CEP112: variants seen among roughly 807,000 people sequenced by gnomAD.
CEP112 encodes centrosomal protein 112.
Under a neutral mutation model 153.0 loss-of-function variants are expected in CEP112, and 127 were observed. The ratio of observed to expected loss-of-function variants is 0.83; its 90% CI spans 0.72 to 0.96. The LOEUF (loss-of-function observed/expected upper bound fraction) is 0.96. Among genes scored for constraint, CEP112 ranks in the 40% least tolerant of loss-of-function variants. The probability of loss-of-function intolerance (pLI) is 0.00; values close to 1 mark genes in which losing one functional copy is unlikely to be tolerated. For missense variants in CEP112, 1,089 were observed against 1,101.2 expected, an observed-to-expected ratio of 0.99 and a Z score of 0.16; for synonymous variants, 358 against 374.4, an observed-to-expected ratio of 0.96 and a Z score of 0.51.
intron 19 of CEP112, among the ~76,000 whole-genome samples, chr17:65,912,318 T>C (rs2060319184): frequency 6.6e-6 from 1 of 152,124 alleles, no homozygotes; most frequent in South Asian, 2.1e-4. Context: ...AAGTGCCCCA[T>C]GTAGTGCCTG....
chr17:65,980,027 C>T (rs1195037505), intron 17 of CEP112, among the ~76,000 whole-genome samples: 1 of 152,026 alleles, frequency 6.6e-6, no homozygotes, highest in Non-Finnish European at 1.5e-5. Flanking sequence ...TCACATAACA[C>T]CCCATTAAAA....
rs112352242 is a variant in CEP112 at position 66,071,977 on chromosome 17, C to A, written c.769-1976G>T. Among the ~76,000 whole-genome samples the A allele has an allele frequency of 4.5e-3, 687 of 152,168 alleles. 4 individuals carry two copies. Among genetic ancestry groups the A allele is most frequent in the South Asian group, 8.5e-3 (41 of 4,814 alleles). ...CAAAGATATTTATCTAAATTCTATTCTTCTGGTTATAACTTTTTGCCTTGG... is the reference window on the plus strand; with the variant it reads ...CAAAGATATTTATCTAAATTCTATTATTCTGGTTATAACTTTTTGCCTTGG... On this transcript the variant is annotated intron_variant, in intron 8 of 26. Transcript: ENST00000535342.
chr17:65,975,313 T>C (rs977738824), intron 17 of CEP112, among the ~76,000 whole-genome samples: 1 of 152,206 alleles, frequency 6.6e-6, no homozygotes, highest in African/African-American at 2.4e-5. Flanking sequence ...AAATAAACTG[T>C]TGAATTTGAC....
chr17:65,640,429 C>T (rs4791148), intron 25 of CEP112, among the ~76,000 whole-genome samples: 108,109 of 152,034 alleles, frequency 0.71, 39,813 homozygotes, highest in East Asian at 0.95. Context: ...GACAGGATTA[C>T]AGGTATGAGC....
intron 8 of CEP112, among the ~76,000 whole-genome samples, chr17:66,083,212 A>G (rs2067791242): frequency 6.6e-6 from 1 of 152,122 alleles, no homozygotes; most frequent in Non-Finnish European, 1.5e-5. Flanking sequence ...ATGATAGTGA[A>G]TAAGTCTCAT....
chr17:66,188,539 T>G (rs1245606994), intron 1 of CEP112, among the ~76,000 whole-genome samples: 1 of 151,332 alleles, frequency 6.6e-6, no homozygotes, highest in Non-Finnish European at 1.5e-5. Flanking sequence ...GTTGCTCTGT[T>G]CTCAGTGTAA....
At chr17:66,158,352 C>G (rs547081754) in intron 4 of CEP112, among the ~76,000 whole-genome samples, 24 of 152,254 alleles carry the variant, frequency 1.6e-4, no homozygotes, top group African/African-American at 5.1e-4. Context: ...GTAGCTCACA[C>G]CTGTAATCCC....
intron 8 of CEP112, among the ~76,000 whole-genome samples, chr17:66,093,096 C>T (rs1227192686): frequency 6.6e-6 from 1 of 151,996 alleles, no homozygotes; most frequent in Admixed American, 6.6e-5. Flanking sequence ...CACTTTGGGG[C>T]GCTGAGGCAG....
intron 18 of CEP112, among the ~76,000 whole-genome samples, chr17:65,936,241 T>G (rs2061302068): frequency 6.6e-6 from 1 of 152,104 alleles, no homozygotes; most frequent in Non-Finnish European, 1.5e-5. Context: ...GACTGAATCA[T>G]TAGCAAGAAA....
At chr17:65,959,431 A>G (rs1178225140) in intron 18 of CEP112, among the ~76,000 whole-genome samples, 2 of 152,214 alleles carry the variant, frequency 1.3e-5, no homozygotes, top group African/African-American at 2.4e-5. Context: ...TCCTAGTCGC[A>G]GGACAAGAAC....
chr17:65,672,068 A>G (rs1330491716), intron 24 of CEP112, among the ~76,000 whole-genome samples: 4 of 152,238 alleles, frequency 2.6e-5, no homozygotes, highest in Non-Finnish European at 5.9e-5. Flanking sequence ...CTGAAAGATC[A>G]TTAGAAGTAA....
chr17:65,789,625 ATTT>A (rs920419537), intron 21 of CEP112, among the ~76,000 whole-genome samples: 1 of 143,712 alleles, frequency 7.0e-6, no homozygotes, highest in East Asian at 2.0e-4. Flanking sequence ...TTTTTGTCCC[ATTT>A]TTTTTTTCAT....
chr17:65,901,505 C>A (rs528387951), intron 20 of CEP112, among the ~76,000 whole-genome samples: 15 of 152,188 alleles, frequency 9.9e-5, no homozygotes, highest in African/African-American at 3.6e-4. Flanking sequence ...TGACAGTGCA[C>A]ATTTCATCCA....
At chr17:65,707,906 T>G (rs777147632) in intron 23 of CEP112, among the ~76,000 whole-genome samples, 11 of 152,184 alleles carry the variant, frequency 7.2e-5, no homozygotes, top group Non-Finnish European at 1.2e-4. Context: ...GGAATGCAAA[T>G]AGTCAAAAAT....
At chr17:66,102,899 CA>C (rs1166445738) in intron 6 of CEP112, among the ~76,000 whole-genome samples, 2 of 150,408 alleles carry the variant, frequency 1.3e-5, no homozygotes, top group South Asian at 2.1e-4. Flanking sequence ...TGGAATCTAC[CA>C]AAAAAACTAT....
chr17:66,038,609 C>T (rs577451321), intron 12 of CEP112, among the ~76,000 whole-genome samples: 22 of 152,212 alleles, frequency 1.4e-4, no homozygotes, highest in Admixed American at 3.9e-4. Context: ...CTATGTTTTG[C>T]CGGCTGTAAC....
intron 6 of CEP112, among the ~76,000 whole-genome samples, chr17:66,096,904 C>T (rs977918863): frequency 2.6e-5 from 4 of 152,126 alleles, no homozygotes; most frequent in African/African-American, 9.7e-5. Context: ...CTTCACTTCA[C>T]ATTTTATGCT....
intron 19 of CEP112, among the ~76,000 whole-genome samples, chr17:65,923,169 CTG>C (rs2060794417): frequency 6.6e-6 from 1 of 152,242 alleles, no homozygotes. Flanking sequence ...AAAAAAGAAT[CTG>C]ATAGAATAAC....
chr17:65,953,073 G>GT (rs999347533), intron 18 of CEP112, among the ~76,000 whole-genome samples: 8 of 151,528 alleles, frequency 5.3e-5, no homozygotes, highest in African/African-American at 1.7e-4. Flanking sequence ...CCTTGTTTTT[G>GT]TTTTTTTAAT....
Sources: allele counts gnomAD v4.1 joint callset (sites outside exome capture counted in the v4.1 genomes callset), GRCh38; gene constraint gnomAD v4.1.1; transcripts MANE v1.5; gene names NCBI Gene and HGNC (gene_info 2026-07-23, HGNC 2026-07-21).